ZNF667: variants seen among roughly 807,000 people sequenced by gnomAD.
ZNF667 encodes myocardial ischemic preconditioning upregulated 1 ortholog.
Under a neutral mutation model 31.8 loss-of-function variants are expected in ZNF667, and 13 were observed. The observed-to-expected ratio is 0.41, with a 90% CI of 0.27 to 0.65. The LOEUF (loss-of-function observed/expected upper bound fraction) is 0.65, where lower values mean the gene tolerates loss of function less well. Among genes scored for constraint, ZNF667 ranks in the 30% least tolerant of loss-of-function variants. The pLI is 0.32. For synonymous variants in ZNF667, 228 were observed against 247.1 expected, an observed-to-expected ratio of 0.92 and a Z score of 0.73; for missense variants, 642 against 725.6, an observed-to-expected ratio of 0.88 and a Z score of 1.32.
chr19:56,475,422 T>C (rs1165614223), intron 1 of ZNF667: 1 of 152,388 alleles, frequency 6.6e-6, no homozygotes, highest in African/African-American at 2.4e-5. Context: ...CCTGTCATCA[T>C]GCCTTCGGTC....
At position 56,440,542 on chromosome 19, in the gene ZNF667, A is replaced by G. The variant is rs2042580395; in HGVS notation, c.*620T>C. 1.0e-6 allele frequency: 1 copy of G among 953,626 alleles called. No individual in the cohort carries two copies. Among genetic ancestry groups the G allele is most frequent in the African/African-American group, 1.8e-5 (1 of 56,494 alleles). The allele number at this position is 953,626 out of a possible 1,614,324, so 59.1% of individuals were successfully genotyped here. A position where few individuals can be genotyped will look rare whatever the true frequency, so the allele number is the denominator to read the frequency against. On this transcript the variant is annotated 3_prime_UTR_variant, in exon 7 of 7. Coordinates refer to ENST00000504904, the MANE Select transcript of ZNF667 (RefSeq NM_001321356.2). ...CAAATTCTTTTTTCTGTGACCTTAA[A>G]TCAGGCTCAGAGCCCTATAATGGAC...
chr19:56,476,520 G>A (rs1172875996), intron 1 of ZNF667, among the ~76,000 whole-genome samples: 2 of 152,178 alleles, frequency 1.3e-5, no homozygotes, highest in African/African-American at 4.8e-5. Context: ...ATTAGTATGT[G>A]ACAAGCTCTG....
rs199984081 is a variant in ZNF667, at chr19:56,460,651, T to C, written c.160+38A>G. On this transcript the variant is annotated intron_variant, in intron 5 of 6. Coordinates refer to ENST00000504904, the MANE Select transcript of ZNF667 (RefSeq NM_001321356.2). The stretch of plus-strand genomic sequence containing the variant: ...ACCCAGAGTGATGCATGTCCCTCAA[T>C]AGGCTGGTTCTGGATTGTGGGGGAC... 5.0e-6 allele frequency: 8 copies of C among 1,587,986 alleles called. 1 individual carries two copies. Among genetic ancestry groups the C allele is most frequent in the African/African-American group, 4.0e-5 (3 of 74,100 alleles).
intron 2 of ZNF667, 134 bp downstream of exon 2, chr19:56,473,878 C>T (rs1002854107): frequency 3.9e-5 from 6 of 152,212 alleles, no homozygotes; most frequent in Non-Finnish European, 8.8e-5. Context: ...CAGTGACTGT[C>T]CCTGAAGAAA....
chr19:56,449,695 A>AG (rs1214127413), intron 6 of ZNF667: 1 of 152,042 alleles, frequency 6.6e-6, no homozygotes, highest in African/African-American at 2.4e-5. Flanking sequence ...AAAAAAAAAA[A>AG]AAAAAAAGCT....
At chr19:56,444,475 C>T (rs981345850) in intron 6 of ZNF667, among the ~76,000 whole-genome samples, 1 of 151,802 alleles carries the variant, frequency 6.6e-6, no homozygotes, top group African/African-American at 2.4e-5. Context: ...TCACCTCCCA[C>T]AGACCCCACC....
intron 5 of ZNF667, among the ~76,000 whole-genome samples, chr19:56,459,485 T>C (rs753237417): frequency 2.4e-4 from 36 of 152,266 alleles, no homozygotes; most frequent in Non-Finnish European, 2.4e-4. Context: ...TCCTCAGAAG[T>C]ATAAACAAAC....
At chr19:56,454,493 T>C (rs938818827) in intron 6 of ZNF667, among the ~76,000 whole-genome samples, 1 of 151,768 alleles carries the variant, frequency 6.6e-6, no homozygotes, top group Non-Finnish European at 1.5e-5. Flanking sequence ...CACAGACCAA[T>C]GGAATGGAAT....
In ZNF667 at chr19:56,458,225, A is replaced by G; in HGVS notation, c.183T>C (p.Asn61=). Residue 61 remains asparagine (N), a synonymous_variant, in exon 6 of 7, where the codon AAT becomes AAC. Transcript: ENST00000504904. The part of the protein sequence containing the change: ...VSLGLSFRRP[N]VITLLEKGKA... ...TCCCTTTCTCCAATAAGGTGATCAC[A>G]TTTGGTCTCCGAAAGGAAAGACCTG... The G allele has an allele frequency of 2.5e-6, 4 of 1,614,090 alleles. No homozygotes were observed. Among genetic ancestry groups the G allele is most frequent in the Non-Finnish European group, 3.4e-6 (4 of 1,179,986 alleles).
chr19:56,470,733 G>A (rs898513001), intron 3 of ZNF667, among the ~76,000 whole-genome samples: 3 of 152,146 alleles, frequency 2.0e-5, no homozygotes, highest in Non-Finnish European at 4.4e-5. Flanking sequence ...TTAAGACTGA[G>A]GAGCGAGGGC....
At chr19:56,448,512 G>A (rs970336766) in intron 6 of ZNF667, among the ~76,000 whole-genome samples, 1 of 152,124 alleles carries the variant, frequency 6.6e-6, no homozygotes, top group Non-Finnish European at 1.5e-5. Context: ...ACACCAGCTG[G>A]AGTGGCCAAG....
chr19:56,464,357 G>A (rs771713721), intron 3 of ZNF667, among the ~76,000 whole-genome samples: 3 of 152,106 alleles, frequency 2.0e-5, no homozygotes, highest in Non-Finnish European at 4.4e-5. Context: ...AGCTGAGTGT[G>A]GTGGTGTGTG....
rs2042588607 is a variant in ZNF667 at position 56,441,015 on chromosome 19, A to C, written c.*147T>G. On this transcript the variant is annotated 3_prime_UTR_variant, in exon 7 of 7. Coordinates refer to ENST00000504904, the MANE Select transcript of ZNF667 (RefSeq NM_001321356.2). The surrounding 1 kb of genome is among the most constrained non-coding windows in gnomAD (Gnocchi z 4.2). Reference sequence around the variant, plus strand: ...AGTTAATTTCAAATCCTGAGGTCAAAATCACCAATGACTTTTGCTCTTTGG... The same window carrying C: ...AGTTAATTTCAAATCCTGAGGTCAACATCACCAATGACTTTTGCTCTTTGG... 2 of 1,433,986 alleles carry C rather than the reference A, an allele frequency of 1.4e-6. No homozygotes were observed. Among genetic ancestry groups the C allele is most frequent in the Non-Finnish European group, 1.8e-6 (2 of 1,096,406 alleles). The allele number at this position is 1,433,986 out of a possible 1,614,324, so 88.8% of individuals were successfully genotyped here.
In ZNF667 at chr19:56,440,874, C is replaced by G. The variant is rs2042586665; in HGVS notation, c.*288G>C. On this transcript the variant is annotated 3_prime_UTR_variant, in exon 7 of 7. Transcript: ENST00000504904. ...TCTTGACCTCGTGATCCGCCTGTCT[C>G]AGCCTCCCAAAGTGCTGGGGTTACA... 1 of 1,140,014 alleles carries G rather than the reference C, an allele frequency of 8.8e-7. No individual in the cohort carries two copies. Among genetic ancestry groups the G allele is most frequent in the Non-Finnish European group, 1.1e-6 (1 of 920,324 alleles). The allele number at this position is 1,140,014 out of a possible 1,614,324, so 70.6% of individuals were successfully genotyped here.
At chr19:56,444,200 G>C (rs2042675936) in intron 6 of ZNF667, 4 of 398,370 alleles carry the variant, frequency 1.0e-5, no homozygotes, top group Non-Finnish European at 1.8e-5. Context: ...AAACAAAAGA[G>C]GTTCAATTGG....
intron 3 of ZNF667, among the ~76,000 whole-genome samples, chr19:56,466,581 G>C (rs540025275): frequency 6.6e-6 from 1 of 152,272 alleles, no homozygotes; most frequent in East Asian, 1.9e-4. Flanking sequence ...AACATGACTA[G>C]AGTGACTCTG....
chr19:56,465,926 C>T (rs957099247), intron 3 of ZNF667, among the ~76,000 whole-genome samples: 4 of 152,214 alleles, frequency 2.6e-5, no homozygotes, highest in Non-Finnish European at 5.9e-5. Flanking sequence ...AGGGAGCATA[C>T]AATTTACGCC....
rs1375740154 is a variant in ZNF667 at position 56,474,054 on chromosome 19, C to T, written c.-591G>A. The T allele has an allele frequency of 6.6e-6, 1 of 152,162 alleles. No homozygotes were observed. Among genetic ancestry groups the T allele is most frequent in the Non-Finnish European group, 1.5e-5 (1 of 68,038 alleles). The allele number at this position is 152,162 out of a possible 1,614,324, so 9.4% of individuals were successfully genotyped here. ...GTAAACCTGGCTCGTCTTCCGAGTC[C>T]CTGATGATAGATGAGAAAGGGCTTT... On this transcript the variant is annotated 5_prime_UTR_variant, in exon 2 of 7. Coordinates refer to ENST00000504904, the MANE Select transcript of ZNF667 (RefSeq NM_001321356.2).
At chr19:56,473,039 CCT>C (rs916929843) in intron 2 of ZNF667, 7 of 152,190 alleles carry the variant, frequency 4.6e-5, no homozygotes, top group South Asian at 2.1e-4. Context: ...GTTATTTACC[CCT>C]GTTGTACTCT....
Sources: allele counts gnomAD v4.1 joint callset (sites outside exome capture counted in the v4.1 genomes callset), GRCh38; gene constraint gnomAD v4.1.1; non-coding constraint Gnocchi (gnomAD v3.1); transcripts MANE v1.5; gene names NCBI Gene and HGNC (gene_info 2026-07-23, HGNC 2026-07-21).